PRR14L: variants seen among roughly 807,000 people sequenced by gnomAD.
PRR14L encodes the protein proline rich 14 like, also known as protein PRR14L.
In PRR14L, 80 loss-of-function variants were observed where a neutral mutation model predicts 155.0. The ratio of observed to expected loss-of-function variants is 0.52; its 90% CI spans 0.43 to 0.62. The LOEUF is 0.62. Among genes scored for constraint, PRR14L ranks in the 20% least tolerant of loss-of-function variants. PRR14L has a pLI of 0.00. For missense variants in PRR14L, 2,469 were observed against 2,548.0 expected, an observed-to-expected ratio of 0.97 and a Z score of 0.67; for synonymous variants, 883 against 916.0, an observed-to-expected ratio of 0.96 and a Z score of 0.65.
chr22:31,712,332 G>C lies in PRR14L; in HGVS notation c.5507C>G (p.Thr1836Arg). 1.9e-6 allele frequency: 3 copies of C among 1,613,036 alleles called. No individual in the cohort carries two copies. Among genetic ancestry groups the C allele is most frequent in the Non-Finnish European group, 2.5e-6 (3 of 1,179,702 alleles). Residue 1836 changes from threonine (T) to arginine (R), a missense_variant, in exon 4 of 9, where the codon ACA becomes AGA. Thr to Arg is a moderately conservative substitution (Grantham distance 71, BLOSUM62 -1). This residue lies in a region of PRR14L where 2,363 missense variants were observed against 2,371.6 expected (regional missense o/e 1.00). Coordinates refer to ENST00000327423, the MANE Select transcript of PRR14L (RefSeq NM_173566.3). ...GTGGCTGGAGAAGCTCCGTTTTTTTGTCCAGATTCGGTAACATCCTGGGGA... is the reference window on the plus strand; with the variant it reads ...GTGGCTGGAGAAGCTCCGTTTTTTTCTCCAGATTCGGTAACATCCTGGGGA... ...LCSPGCYRIW[T>R]KKRSFSSHMP...
intron 2 of PRR14L, among the ~76,000 whole-genome samples, chr22:31,734,559 G>A (rs991669540): frequency 6.6e-6 from 1 of 152,318 alleles, no homozygotes; most frequent in Non-Finnish European, 1.5e-5. Context: ...TGTGACCTGA[G>A]AGTGATTAGG....
In PRR14L at chr22:31,712,302, G is replaced by A. The variant is rs370402050; in HGVS notation, c.5537C>T (p.Pro1846Leu). 1.2e-6 allele frequency: 2 copies of A among 1,614,058 alleles called. No homozygotes were observed. Among genetic ancestry groups the A allele is most frequent in the African/African-American group, 2.7e-5 (2 of 74,908 alleles). Residue 1846 changes from proline to leucine, a missense_variant, in exon 4 of 9, where the codon CCT (proline) becomes CTT (leucine). Physicochemically the swap from Pro to Leu is moderately conservative, Grantham distance 98. Coordinates refer to ENST00000327423, the MANE Select transcript of PRR14L (RefSeq NM_173566.3). ...TKKRSFSSHM[P>L]TMQRLFMTQF... ...GGTCATGAAGAGCCTCTGCATGGTA[G>A]GCATGTGGCTGGAGAAGCTCCGTTT...
At position 31,683,328 on chromosome 22, in the gene PRR14L, G is replaced by T. The variant is rs1031730049; in HGVS notation, c.*2199C>A. 1 of 152,258 alleles carries T rather than the reference G, an allele frequency of 6.6e-6. No individual in the cohort carries two copies. The highest frequency in any genetic ancestry group is 1.5e-5 in the Non-Finnish European group (1 of 68,054). 9.4% of individuals were successfully genotyped at this position (152,258 alleles called of 1,614,324 possible). ...CATCACTGCATCTATACTGGCAACA[G>T]AGCTGGCAAACAGGGCTCTGTTGAC... On this transcript the variant is annotated 3_prime_UTR_variant, in exon 9 of 9. Coordinates refer to ENST00000327423, the MANE Select transcript of PRR14L (RefSeq NM_173566.3).
rs745432822 is a variant in PRR14L, at chr22:31,703,636, C to T, written c.5914G>A (p.Glu1972Lys). 2 of 1,613,738 alleles carry T rather than the reference C, an allele frequency of 1.2e-6. No homozygotes were observed. The highest frequency in any genetic ancestry group is 1.7e-6 in the Non-Finnish European group (2 of 1,179,826). ...TCATCCAATCCACGAACCTGGAACT[C>T]AGAGGCTGAAAGCAGGAGCTTGCTG... ...AVSKLLLSAS[E>K]FQVRGLDELD... is the part of the protein sequence containing the mutation. Residue 1972 changes from glutamate (E) to lysine (K), a missense_variant, in exon 6 of 9, where the codon GAG becomes AAG. Physicochemically the swap from Glu to Lys is moderately conservative, Grantham distance 56 (BLOSUM62 1). Coordinates refer to ENST00000327423, the MANE Select transcript of PRR14L (RefSeq NM_173566.3).
chr22:31,703,604 A>T lies in PRR14L; in HGVS notation c.5946T>A (p.Asp1982Glu), dbSNP rs752905129. 1.9e-6 allele frequency: 3 copies of T among 1,613,984 alleles called. No individual in the cohort carries two copies. The highest frequency in any genetic ancestry group is 2.5e-6 in the Non-Finnish European group (3 of 1,179,928). ...GGCAGGGGCATGCTGCTTTCACACC[A>T]TCCAGCTCATCCAATCCACGAACCT... Reference protein sequence around the residue: ...EFQVRGLDELDGVKAACPCPQ... With the variant: ...EFQVRGLDELEGVKAACPCPQ... The change falls in exon 6 of 9, where the codon GAT (aspartate) becomes GAA (glutamate). Residue 1982 changes from aspartate to glutamate, a missense_variant. By Grantham distance (45) the Asp-to-Glu change is conservative. Around this residue, in one of 2 missense-constraint regions of PRR14L, gnomAD observed 2,363 missense variants for 2,371.6 expected, o/e 1.00. Coordinates refer to ENST00000327423, the MANE Select transcript of PRR14L (RefSeq NM_173566.3).
At chr22:31,701,395 A>G (rs2074562652) in intron 7 of PRR14L, among the ~76,000 whole-genome samples, 1 of 152,196 alleles carries the variant, frequency 6.6e-6, no homozygotes, top group African/African-American at 2.4e-5. Context: ...AAATCCTGTG[A>G]CACACAGAAA....
At chr22:31,699,391 C>T (rs1332258289) in intron 7 of PRR14L, among the ~76,000 whole-genome samples, 1 of 152,150 alleles carries the variant, frequency 6.6e-6, no homozygotes, top group Non-Finnish European at 1.5e-5. Context: ...TAAGAACATC[C>T]ATAACTGAAA....
At position 31,714,204 on chromosome 22, in the gene PRR14L, C is replaced by T. The variant is rs776494925; in HGVS notation, c.3635G>A (p.Ser1212Asn). 3.4e-5 allele frequency: 53 copies of T among 1,551,478 alleles called. No homozygotes were observed. Among genetic ancestry groups the T allele is most frequent in the Middle Eastern group, 1.7e-4 (1 of 6,014 alleles). The change falls in exon 4 of 9, where the codon AGT becomes AAT. Residue 1212 changes from serine (S) to asparagine (N), a missense_variant. Physicochemically the swap from Ser to Asn is conservative, Grantham distance 46. Coordinates refer to ENST00000327423, the MANE Select transcript of PRR14L (RefSeq NM_173566.3). ...CTCTTTTGAGGAAATTCCAAAGGTA[C>T]TTTCTTTGCCAAACTCAGAGTTTGG... is the stretch of plus-strand genomic sequence containing the variant. ...LEPNSEFGKE[S>N]TFGISSKESM...
intron 1 of PRR14L, among the ~76,000 whole-genome samples, chr22:31,745,330 T>C (rs920481492): frequency 6.6e-6 from 1 of 151,984 alleles, no homozygotes; most frequent in Non-Finnish European, 1.5e-5. Context: ...TGAGCGGAGA[T>C]TGTGCCACTG....
intron 4 of PRR14L, among the ~76,000 whole-genome samples, chr22:31,707,992 A>C (rs769925188): frequency 7.2e-5 from 11 of 151,978 alleles, no homozygotes; most frequent in Non-Finnish European, 1.6e-4. Context: ...TCTACTAAAA[A>C]TACAAAATTA....
intron 7 of PRR14L, among the ~76,000 whole-genome samples, chr22:31,692,243 A>G (rs2074515372): frequency 6.6e-6 from 1 of 151,796 alleles, no homozygotes; most frequent in African/African-American, 2.4e-5. Flanking sequence ...AGGAACTGCC[A>G]ATTTTTTTTT....
intron 2 of PRR14L, among the ~76,000 whole-genome samples, chr22:31,726,191 C>A (rs9609353): frequency 6.6e-6 from 1 of 151,664 alleles, no homozygotes; most frequent in Non-Finnish European, 1.5e-5. Flanking sequence ...CAAGACTGTG[C>A]GCGCTGTCAG....
chr22:31,716,823 T>G lies in PRR14L; in HGVS notation c.1016A>C (p.Asn339Thr), dbSNP rs1212791839. Residue 339 changes from asparagine to threonine, a missense_variant, in exon 4 of 9, where the codon AAT becomes ACT. Around this residue, in one of 2 missense-constraint regions of PRR14L, gnomAD observed 2,363 missense variants for 2,371.6 expected, o/e 1.00. Coordinates refer to ENST00000327423, the MANE Select transcript of PRR14L (RefSeq NM_173566.3). Reference protein sequence around the residue: ...SPTATSPLKENSEVSCFTSDL... With the variant: ...SPTATSPLKETSEVSCFTSDL... ...TGATGTGAAACATGAAACTTCAGAA[T>G]TTTCTTTCAAAGGGCTTGTGGCTGT... is the stretch of plus-strand genomic sequence containing the variant. 1 of 1,551,934 alleles carries G rather than the reference T, an allele frequency of 6.4e-7. No homozygotes were observed. Among genetic ancestry groups the G allele is most frequent in the Admixed American group, 2.0e-5 (1 of 50,996 alleles).
chr22:31,701,608 C>A (rs1040984667), intron 7 of PRR14L, 48 bp downstream of exon 7: 3 of 1,240,440 alleles, frequency 2.4e-6, no homozygotes, highest in Non-Finnish European at 3.5e-6. Flanking sequence ...TTATGACAAA[C>A]AATTTTCCAA....
At chr22:31,740,469 C>T (rs1032181821) in intron 1 of PRR14L, among the ~76,000 whole-genome samples, 9 of 152,078 alleles carry the variant, frequency 5.9e-5, no homozygotes, top group East Asian at 5.8e-4. Context: ...CTGTCCACCT[C>T]GGCCTTCCAA....
chr22:31,739,809 A>G (rs894949275), intron 1 of PRR14L, among the ~76,000 whole-genome samples: 25 of 152,184 alleles, frequency 1.6e-4, no homozygotes, highest in African/African-American at 5.3e-4. Flanking sequence ...ACTTATATCT[A>G]TGCAGTTTGT....
chr22:31,685,917 A>C, intron 8 of PRR14L, 114 bp from the exon 9 acceptor site: 1 of 934,476 alleles, frequency 1.1e-6, no homozygotes, highest in Non-Finnish European at 1.6e-6. Context: ...CAGGGACTGA[A>C]AGCTACTTGC....
In PRR14L at chr22:31,712,970, G is replaced by A; in HGVS notation, c.4869C>T (p.Ala1623=). Residue 1623 remains alanine, a synonymous_variant, in exon 4 of 9, where the codon GCC becomes GCT. Transcript: ENST00000327423. ...SALLNKLSIL[A]SKLAPAMKTQ... Reference sequence around the variant, plus strand: ...TCTTCATGGCTGGGGCCAGTTTGGAGGCAAGGATGGACAGCTTGTTTAGTA... The same window carrying A: ...TCTTCATGGCTGGGGCCAGTTTGGAAGCAAGGATGGACAGCTTGTTTAGTA... 1 of 1,551,766 alleles carries A rather than the reference G, an allele frequency of 6.4e-7. No individual in the cohort carries two copies. The highest frequency in any genetic ancestry group is 8.7e-7 in the Non-Finnish European group (1 of 1,147,024).
chr22:31,708,680 G>A (rs563142250), intron 4 of PRR14L, among the ~76,000 whole-genome samples: 56 of 151,920 alleles, frequency 3.7e-4, no homozygotes, highest in Non-Finnish European at 7.8e-4. Flanking sequence ...TCACTTTGCC[G>A]TCCAGGCTGG....
Sources: allele counts gnomAD v4.1 joint callset (sites outside exome capture counted in the v4.1 genomes callset), GRCh38; gene constraint gnomAD v4.1.1; regional missense constraint gnomAD v4.1.1; transcripts MANE v1.5; gene names NCBI Gene and HGNC (gene_info 2026-07-23, HGNC 2026-07-21).